The following PIK3R1 variants were observed in gnomAD, a reference collection of about 807,000 sequenced individuals.
The protein encoded by PIK3R1 is phosphatidylinositol 3-kinase regulatory subunit alpha.
In PIK3R1, 29 loss-of-function variants were observed where a neutral mutation model predicts 98.0. That is an observed-to-expected ratio of 0.30 (90% CI 0.22 to 0.40). The LOEUF (loss-of-function observed/expected upper bound fraction) is 0.40, where lower values mean the gene tolerates loss of function less well. Ranked by LOEUF, PIK3R1 falls within the 10% of genes least tolerant of loss-of-function variation. The pLI is 1.00. For missense variants in PIK3R1, 596 were observed against 872.7 expected (o/e 0.68, Z 3.99); for synonymous variants, 282 against 311.8 (o/e 0.90, Z 1.01).
Position 68,216,434 on chromosome 5 carries a change from C to T in PIK3R1, c.-387+485C>T, listed in dbSNP as rs376922403. On this transcript the variant is annotated intron_variant, in intron 1 of 15. Transcript: ENST00000521381. ...TCCAGCTGCAGCCAGGGTCGCTGCC[C>T]GGGCCCTTCCCGGGGCGGGCGAGGC... is the stretch of plus-strand genomic sequence containing the variant. Among the ~76,000 whole-genome samples the T allele has an allele frequency of 6.6e-4, 101 of 152,280 alleles. 1 individual carries two copies. The Middle Eastern group carries it at 0.01, about 15-fold the overall frequency.
chr5:68,287,846 A>G (rs1204644685), intron 7 of PIK3R1, among the ~76,000 whole-genome samples: 3 of 146,636 alleles, frequency 2.0e-5, no homozygotes, highest in Non-Finnish European at 4.6e-5. Context: ...GGAGTATAGT[A>G]TGCATATGGT....
At position 68,288,896 on chromosome 5, in the gene PIK3R1, CCT is replaced by C. The variant is rs889888802; in HGVS notation, c.917-3362_917-3361del. ...ATGGGAGATTAGGGGAGACACTCCC[CCT>C]GTCCTCGAGGGGGACAGTGGCTGGG... is the stretch of plus-strand genomic sequence containing the variant. On this transcript the variant is annotated intron_variant, in intron 7 of 15. Coordinates refer to ENST00000521381, the MANE Select transcript of PIK3R1 (RefSeq NM_181523.3). 115 of 824,226 alleles carry C rather than the reference CCT, an allele frequency of 1.4e-4. No individual in the cohort carries two copies. The African/African-American group carries it at 1.8e-3, about 13-fold the overall frequency. 51.1% of individuals were successfully genotyped at this position (824,226 alleles called of 1,614,324 possible). A position where few individuals can be genotyped will look rare whatever the true frequency, so the allele number is the denominator to read the frequency against.
At chr5:68,279,569 A>G in intron 4 of PIK3R1, 33 bp from the exon 5 acceptor site, 9 of 1,588,044 alleles carry the variant, frequency 5.7e-6, no homozygotes, top group Non-Finnish European at 7.8e-6. Context: ...CTATAAAATA[A>G]ATGTCTGAAA....
intron 2 of PIK3R1, among the ~76,000 whole-genome samples, chr5:68,267,966 A>G (rs982527599): frequency 1.3e-5 from 2 of 152,156 alleles, no homozygotes; most frequent in Non-Finnish European, 2.9e-5. Context: ...AAAACCTGCA[A>G]TTGCAATCGG....
At chr5:68,232,501 G>A (rs1445143080) in intron 2 of PIK3R1, among the ~76,000 whole-genome samples, 1 of 152,174 alleles carries the variant, frequency 6.6e-6, no homozygotes, top group Non-Finnish European at 1.5e-5. Flanking sequence ...TACCCAGAGG[G>A]GAGAGGAAGG....
intron 2 of PIK3R1, among the ~76,000 whole-genome samples, chr5:68,239,739 G>T (rs1403413384): frequency 6.6e-6 from 1 of 152,216 alleles, no homozygotes; most frequent in Non-Finnish European, 1.5e-5. Context: ...CAGCCACAAG[G>T]CACCCCGGAG....
chr5:68,232,269 T>C (rs923705364), intron 2 of PIK3R1, among the ~76,000 whole-genome samples: 1 of 152,208 alleles, frequency 6.6e-6, no homozygotes, highest in African/African-American at 2.4e-5. Context: ...TTAAAAACAT[T>C]TTTTCTGTTA....
At chr5:68,252,749 A>G (rs1326430978) in intron 2 of PIK3R1, among the ~76,000 whole-genome samples, 2 of 152,170 alleles carry the variant, frequency 1.3e-5, no homozygotes, top group African/African-American at 4.8e-5. Flanking sequence ...GCTACTTTGT[A>G]TTTCCCTGAA....
intron 2 of PIK3R1, among the ~76,000 whole-genome samples, chr5:68,244,692 T>A (rs1485619269): frequency 2.6e-5 from 4 of 152,100 alleles, no homozygotes; most frequent in Non-Finnish European, 5.9e-5. Flanking sequence ...CCCTTGTTAA[T>A]TTGAAGTTTT....
intron 7 of PIK3R1, among the ~76,000 whole-genome samples, chr5:68,285,416 T>C (rs1187177119): frequency 6.6e-6 from 1 of 152,208 alleles, no homozygotes; most frequent in African/African-American, 2.4e-5. Context: ...TTTACTTGTC[T>C]CTGATTTAAT....
At chr5:68,245,230 A>G (rs770881021) in intron 2 of PIK3R1, among the ~76,000 whole-genome samples, 2 of 152,244 alleles carry the variant, frequency 1.3e-5, no homozygotes, top group Non-Finnish European at 2.9e-5. Context: ...ATTATATTTT[A>G]TAATTCTTTA....
intron 2 of PIK3R1, among the ~76,000 whole-genome samples, chr5:68,259,546 A>G (rs115340799): frequency 0.014 from 2,190 of 152,338 alleles, 26 homozygotes; most frequent in Middle Eastern, 0.017. Flanking sequence ...CATGGGCGTG[A>G]GGAGAGGGGT....
chr5:68,290,659 A>G, intron 7 of PIK3R1: 1 of 1,544,284 alleles, frequency 6.5e-7, no homozygotes, highest in Non-Finnish European at 8.7e-7. Context: ...AATGAATTCC[A>G]AGACACCATT....
rs371462298 is a variant in PIK3R1 at position 68,288,093 on chromosome 5, T to A, written c.917-4166T>A. ...GCTTTGATTCTATTTTTTGCTGAAC[T>A]AGCTCAGCCACTTCCTGTGTTTGGC... On this transcript the variant is annotated intron_variant, in intron 7 of 15. Coordinates refer to ENST00000521381, the MANE Select transcript of PIK3R1 (RefSeq NM_181523.3). 2.0e-5 allele frequency among the ~76,000 whole-genome samples: 3 copies of A among 152,262 alleles called. No homozygotes were observed. The South Asian group carries it at 6.2e-4, about 32-fold the overall frequency.
chr5:68,236,557 G>T (rs191052660), intron 2 of PIK3R1, among the ~76,000 whole-genome samples: 1 of 152,078 alleles, frequency 6.6e-6, no homozygotes, highest in South Asian at 2.1e-4. Flanking sequence ...CCCTATAACC[G>T]TTTTTGAGAT....
chr5:68,300,011 T>A lies in PIK3R1; in HGVS notation c.*2410T>A, dbSNP rs1747952728. On this transcript the variant is annotated 3_prime_UTR_variant, in exon 16 of 16. Transcript: ENST00000521381. ...AGTTTTTAAACTAGGTTTGTGGGTATTTTTTTGGTAGCACATGTATGCTAT... is the reference window on the plus strand; with the variant it reads ...AGTTTTTAAACTAGGTTTGTGGGTAATTTTTTGGTAGCACATGTATGCTAT... 4.3e-6 allele frequency: 1 copy of A among 232,796 alleles called. No homozygotes were observed. The highest frequency in any genetic ancestry group is 5.6e-5 in the Admixed American group (1 of 17,784). 14.4% of individuals were successfully genotyped at this position (232,796 alleles called of 1,614,324 possible). A position where few individuals can be genotyped will look rare whatever the true frequency, so the allele number is the denominator to read the frequency against.
intron 7 of PIK3R1, among the ~76,000 whole-genome samples, chr5:68,288,172 G>A (rs1460053421): frequency 1.3e-5 from 2 of 152,202 alleles, no homozygotes; most frequent in African/African-American, 4.8e-5. Context: ...GAGCCAGCCA[G>A]CGCGCTCAGC....
intron 7 of PIK3R1, 79 bp downstream of exon 7, chr5:68,281,085 T>G: frequency 1.2e-6 from 1 of 862,258 alleles, no homozygotes; most frequent in South Asian, 1.6e-5. Context: ...TAAACCTCCT[T>G]TGAAGTAACA....
intron 2 of PIK3R1, among the ~76,000 whole-genome samples, chr5:68,238,375 G>A (rs1744743424): frequency 6.6e-6 from 1 of 152,160 alleles, no homozygotes; most frequent in African/African-American, 2.4e-5. Context: ...AAAGAAAAAG[G>A]GAGATCATAC....
Sources: gnomAD v4.1 joint callset for allele counts (sites outside exome capture counted in the v4.1 genomes callset) on GRCh38, gnomAD v4.1.1 for gene constraint, MANE v1.5 for transcripts, NCBI Gene and HGNC (gene_info 2026-07-23, HGNC 2026-07-21) for gene names.